The following SLX4IP variants were observed in gnomAD, a reference collection of about 807,000 sequenced individuals.
SLX4IP encodes protein SLX4IP.
SLX4IP carries 34 observed loss-of-function variants against 32.9 expected under a neutral mutation model. The ratio of observed to expected loss-of-function variants is 1.03; its 90% CI spans 0.79 to 1.38. The LOEUF is 1.38. Among genes scored for constraint, SLX4IP ranks in the 40% most tolerant of loss-of-function variants. The probability of loss-of-function intolerance (pLI) is 0.00; values close to 1 mark genes in which losing one functional copy is unlikely to be tolerated. For missense variants in SLX4IP, 444 were observed against 479.0 expected (o/e 0.93, Z 0.68); for synonymous variants, 172 against 171.7 (o/e 1.00, Z -0.01).
At chr20:10,563,254 C>T (rs1486602965) in intron 4 of SLX4IP, among the ~76,000 whole-genome samples, 5 of 152,238 alleles carry the variant, frequency 3.3e-5, no homozygotes, top group Non-Finnish European at 4.4e-5. Context: ...AAATCAGATT[C>T]GCTTATTTGC....
chr20:10,457,410 T>C (rs1245168908), intron 1 of SLX4IP, among the ~76,000 whole-genome samples: 1 of 143,222 alleles, frequency 7.0e-6, no homozygotes, highest in African/African-American at 2.5e-5. Context: ...TTGTGTTGGC[T>C]TTTTTTTGTT....
chr20:10,541,684 C>T (rs533215493), intron 2 of SLX4IP, among the ~76,000 whole-genome samples: 1 of 152,190 alleles, frequency 6.6e-6, no homozygotes, highest in South Asian at 2.1e-4. Context: ...TTTTGTCACC[C>T]TTGTTAAATA....
chr20:10,524,707 CAAG>C (rs2065927333), intron 2 of SLX4IP, among the ~76,000 whole-genome samples: 1 of 152,222 alleles, frequency 6.6e-6, no homozygotes, highest in Non-Finnish European at 1.5e-5. Context: ...AGCACAGTGT[CAAG>C]AAGGAGGACT....
chr20:10,477,141 AT>A (rs564427843), intron 2 of SLX4IP, among the ~76,000 whole-genome samples: 176 of 151,840 alleles, frequency 1.2e-3, no homozygotes, highest in Middle Eastern at 6.8e-3. Flanking sequence ...TGTTCCTTAG[AT>A]TTCTGACCTG....
At chr20:10,556,083 A>T in intron 2 of SLX4IP, 148 bp from the exon 3 acceptor site, 1 of 621,154 alleles carries the variant, frequency 1.6e-6, no homozygotes, top group East Asian at 2.9e-5. Context: ...ATGACCTGTA[A>T]CCATGTTCTT....
At chr20:10,461,084 G>T (rs2065333668) in intron 2 of SLX4IP, among the ~76,000 whole-genome samples, 1 of 152,138 alleles carries the variant, frequency 6.6e-6, no homozygotes, top group Non-Finnish European at 1.5e-5. Flanking sequence ...AAGTTTGTTG[G>T]ATAGTCTCAT....
intron 4 of SLX4IP, among the ~76,000 whole-genome samples, chr20:10,586,026 T>C (rs6040034): frequency 3.9e-5 from 6 of 152,290 alleles, no homozygotes; most frequent in African/African-American, 1.4e-4. Context: ...ACTCATGTAG[T>C]CAACAAAGTT....
rs529212231 is a variant in SLX4IP at position 10,445,957 on chromosome 20, T to A, written c.-30+10504T>A. On this transcript the variant is annotated intron_variant, in intron 1 of 7. Transcript: ENST00000334534. Reference sequence around the variant, plus strand: ...GCTTTTTTTTTTTTTTTTTTTTTTTTAACTCAGCCTATTTCCTTAAAATCC... The same window carrying A: ...GCTTTTTTTTTTTTTTTTTTTTTTTAAACTCAGCCTATTTCCTTAAAATCC... 4.8e-3 allele frequency among the ~76,000 whole-genome samples: 691 copies of A among 143,016 alleles called. 15 individuals are homozygous for A. The South Asian group carries it at 0.068, about 14-fold the overall frequency. 93.8% of individuals were successfully genotyped at this position (143,016 alleles called of 152,430 possible).
At chr20:10,568,097 G>A (rs2066416970) in intron 4 of SLX4IP, among the ~76,000 whole-genome samples, 1 of 152,190 alleles carries the variant, frequency 6.6e-6, no homozygotes, top group African/African-American at 2.4e-5. Flanking sequence ...GCTTTTTCCT[G>A]TGCACCAGGC....
chr20:10,485,486 G>A (rs960103620), intron 2 of SLX4IP, among the ~76,000 whole-genome samples: 1 of 151,952 alleles, frequency 6.6e-6, no homozygotes, highest in East Asian at 1.9e-4. Flanking sequence ...GCATGGTAGT[G>A]CACACCTGTA....
intron 6 of SLX4IP, among the ~76,000 whole-genome samples, chr20:10,603,628 C>T (rs2066868986): frequency 6.6e-6 from 1 of 152,194 alleles, no homozygotes; most frequent in Non-Finnish European, 1.5e-5. Flanking sequence ...TGCTCATTTA[C>T]TCCACCTCTG....
intron 2 of SLX4IP, among the ~76,000 whole-genome samples, chr20:10,469,020 A>C (rs1268274457): frequency 1.3e-5 from 2 of 152,200 alleles, no homozygotes; most frequent in East Asian, 3.8e-4. Flanking sequence ...CACTTATACT[A>C]ACAATAGCTT....
intron 4 of SLX4IP, among the ~76,000 whole-genome samples, chr20:10,584,994 TAAAAAG>T (rs1037125405): frequency 6.6e-6 from 1 of 152,026 alleles, no homozygotes; most frequent in African/African-American, 2.4e-5. Context: ...ACAGACTACA[TAAAAAG>T]AAAAAGCAGA....
intron 2 of SLX4IP, among the ~76,000 whole-genome samples, chr20:10,520,974 G>A (rs1464672232): frequency 6.6e-6 from 1 of 152,140 alleles, no homozygotes; most frequent in Non-Finnish European, 1.5e-5. Flanking sequence ...TTATATGGCA[G>A]TTCTGGAGGA....
intron 2 of SLX4IP, among the ~76,000 whole-genome samples, chr20:10,501,011 A>G (rs995129050): frequency 6.6e-6 from 1 of 152,168 alleles, no homozygotes; most frequent in Admixed American, 6.5e-5. Flanking sequence ...TCATGTGTTC[A>G]TTTGGTGTAG....
chr20:10,605,810 A>G (rs2066899713), intron 6 of SLX4IP, among the ~76,000 whole-genome samples: 2 of 152,216 alleles, frequency 1.3e-5, no homozygotes, highest in Non-Finnish European at 1.5e-5. Flanking sequence ...GGACATCCTG[A>G]CAAGAAACAA....
At chr20:10,518,367 C>CCT (rs768183925) in intron 2 of SLX4IP, among the ~76,000 whole-genome samples, 15 of 149,694 alleles carry the variant, frequency 1.0e-4, no homozygotes, top group East Asian at 2.0e-4. Context: ...TTCTTTCTTT[C>CCT]TCTCTCTCTT....
intron 2 of SLX4IP, among the ~76,000 whole-genome samples, chr20:10,540,096 TTTCCTTCC>T (rs61054747): frequency 0.031 from 3,410 of 111,758 alleles, 86 homozygotes; most frequent in African/African-American, 0.065. Flanking sequence ...CCTTCCTTCC[TTTCCTTCC>T]TTCCTTCCTT....
At chr20:10,512,477 C>T (rs996041683) in intron 2 of SLX4IP, among the ~76,000 whole-genome samples, 7 of 150,778 alleles carry the variant, frequency 4.6e-5, no homozygotes, top group Non-Finnish European at 1.0e-4. Context: ...GTGGTACAAT[C>T]ATACCTCTTC....
Sources: gnomAD v4.1 joint callset for allele counts (sites outside exome capture counted in the v4.1 genomes callset) on GRCh38, gnomAD v4.1.1 for gene constraint, MANE v1.5 for transcripts, NCBI Gene and HGNC (gene_info 2026-07-23, HGNC 2026-07-21) for gene names.